The following TMEFF2 variants were observed in gnomAD, a reference collection of about 807,000 sequenced individuals.
The protein encoded by TMEFF2 is transmembrane protein with EGF like and two follistatin like domains 2, also known as tomoregulin-2.
In TMEFF2, 28 loss-of-function variants were observed where a neutral mutation model predicts 53.8. The observed-to-expected ratio is 0.52, with a 90% CI of 0.39 to 0.71. TMEFF2 has a LOEUF of 0.71. Among genes scored for constraint, TMEFF2 ranks in the 30% least tolerant of loss-of-function variants. The pLI is 0.00. For missense variants in TMEFF2, 353 were observed against 455.2 expected (o/e 0.78, Z 2.04); for synonymous variants, 162 against 166.3 (o/e 0.97, Z 0.20).
intron 5 of TMEFF2, among the ~76,000 whole-genome samples, chr2:192,048,492 T>C (rs1687681996): frequency 6.6e-6 from 1 of 151,834 alleles, no homozygotes; most frequent in South Asian, 2.1e-4. Flanking sequence ...ATCACTATGA[T>C]GGAATGTGTG....
intron 8 of TMEFF2, among the ~76,000 whole-genome samples, chr2:191,955,524 A>ATTTTTTTTT (rs71405028): frequency 0.017 from 1,022 of 60,254 alleles, 217 homozygotes; most frequent in African/African-American, 0.054. Flanking sequence ...CTAATTCTTA[A>ATTTTTTTTT]TTTTTTTTTT....
intron 7 of TMEFF2, among the ~76,000 whole-genome samples, chr2:191,997,496 T>C (rs1466494919): frequency 6.6e-6 from 1 of 151,642 alleles, no homozygotes; most frequent in Non-Finnish European, 1.5e-5. Flanking sequence ...GATTGCTTAA[T>C]ATCTAAATGA....
intron 5 of TMEFF2, among the ~76,000 whole-genome samples, chr2:192,019,910 A>C (rs1686824422): frequency 6.6e-6 from 1 of 152,086 alleles, no homozygotes; most frequent in Non-Finnish European, 1.5e-5. Flanking sequence ...CTGCAGTTAT[A>C]CTATTTTTCT....
At chr2:191,969,933 A>G (rs1692586642) in intron 7 of TMEFF2, among the ~76,000 whole-genome samples, 1 of 152,216 alleles carries the variant, frequency 6.6e-6, no homozygotes, top group African/African-American at 2.4e-5. Flanking sequence ...TAAGAAAATC[A>G]CAGAATTTTA....
intron 4 of TMEFF2, among the ~76,000 whole-genome samples, chr2:192,082,296 G>A (rs1688572566): frequency 6.6e-6 from 1 of 151,988 alleles, no homozygotes; most frequent in Admixed American, 6.5e-5. Context: ...TTCTCGTCTA[G>A]CCTAGTGCTC....
intron 2 of TMEFF2, 56 bp downstream of exon 2, chr2:192,191,824 T>A: frequency 7.9e-7 from 1 of 1,269,202 alleles, no homozygotes; most frequent in East Asian, 2.4e-5. Context: ...TAAAGGAAGA[T>A]TCCTGCTTTG....
intron 5 of TMEFF2, among the ~76,000 whole-genome samples, chr2:192,011,956 C>G (rs1369174792): frequency 6.6e-6 from 1 of 151,990 alleles, no homozygotes. Context: ...GCGCAGTCTC[C>G]GCTTACTGCA....
chr2:191,952,863 TGTGAATTTG>T (rs566543005), intron 9 of TMEFF2, among the ~76,000 whole-genome samples: 1 of 152,378 alleles, frequency 6.6e-6, no homozygotes, highest in East Asian at 1.9e-4. Flanking sequence ...CTAAACGCCT[TGTGAATTTG>T]GTGAAAATCT....
intron 2 of TMEFF2, among the ~76,000 whole-genome samples, chr2:192,187,028 GA>G (rs1195610525): frequency 6.6e-6 from 1 of 152,130 alleles, no homozygotes; most frequent in African/African-American, 2.4e-5. Context: ...CTACAGAGCT[GA>G]AAAGAGCTTA....
intron 7 of TMEFF2, among the ~76,000 whole-genome samples, chr2:191,989,587 G>A (rs569562452): frequency 6.6e-6 from 1 of 152,152 alleles, no homozygotes; most frequent in Admixed American, 6.6e-5. Context: ...GATGTAAATT[G>A]TCTGTGAACA....
chr2:191,999,760 T>TG (rs567273525), intron 5 of TMEFF2, among the ~76,000 whole-genome samples: 44 of 152,022 alleles, frequency 2.9e-4, no homozygotes, highest in East Asian at 1.7e-3. Flanking sequence ...CTTAACATTT[T>TG]GGGGGGGCCA....
At chr2:192,059,938 A>G (rs80105147) in intron 4 of TMEFF2, among the ~76,000 whole-genome samples, 9,556 of 152,244 alleles carry the variant, frequency 0.063, 453 homozygotes, top group African/African-American at 0.12. Flanking sequence ...GCACCTTTGT[A>G]TAACAGTAAA....
intron 5 of TMEFF2, among the ~76,000 whole-genome samples, chr2:192,021,362 A>G (rs1039947114): frequency 1.3e-5 from 2 of 152,214 alleles, no homozygotes; most frequent in Non-Finnish European, 2.9e-5. Context: ...AGGGAATAGA[A>G]TAAAATTTGA....
At chr2:192,190,290 T>C (rs904948848) in intron 2 of TMEFF2, among the ~76,000 whole-genome samples, 1 of 152,200 alleles carries the variant, frequency 6.6e-6, no homozygotes, top group Non-Finnish European at 1.5e-5. Flanking sequence ...TGATACTTTT[T>C]ATGAGTTCAT....
chr2:192,193,490 T>C (rs1248715451), intron 1 of TMEFF2, among the ~76,000 whole-genome samples: 1 of 151,892 alleles, frequency 6.6e-6, no homozygotes, highest in East Asian at 1.9e-4. Context: ...GCAAGAAGAG[T>C]GCCTGACCCA....
chr2:191,957,465 C>T (rs962697614), intron 7 of TMEFF2, among the ~76,000 whole-genome samples: 1 of 151,910 alleles, frequency 6.6e-6, no homozygotes, highest in African/African-American at 2.4e-5. Context: ...GGTTTATTTC[C>T]ATATAAGGGT....
chr2:192,122,692 TAGA>T (rs1689585541), intron 4 of TMEFF2, among the ~76,000 whole-genome samples: 1 of 152,038 alleles, frequency 6.6e-6, no homozygotes, highest in Non-Finnish European at 1.5e-5. Context: ...AATAAGTAAT[TAGA>T]AGATTACCTT....
At chr2:192,132,192 T>C (rs1235952762) in intron 4 of TMEFF2, among the ~76,000 whole-genome samples, 3 of 152,078 alleles carry the variant, frequency 2.0e-5, no homozygotes, top group Admixed American at 6.6e-5. Flanking sequence ...TCCTCACACC[T>C]GGTCTGGCTT....
chr2:192,053,421 A>G (rs568298725), intron 5 of TMEFF2, among the ~76,000 whole-genome samples: 33 of 152,090 alleles, frequency 2.2e-4, no homozygotes, highest in Admixed American at 2.6e-4. Flanking sequence ...CAGTGGGAAA[A>G]TGCAAAATAT....
Sources: gnomAD v4.1 joint callset for allele counts (sites outside exome capture counted in the v4.1 genomes callset) on GRCh38, gnomAD v4.1.1 for gene constraint, MANE v1.5 for transcripts, NCBI Gene and HGNC (gene_info 2026-07-23, HGNC 2026-07-21) for gene names.